LRCH1: variants seen among roughly 807,000 people sequenced by gnomAD.
LRCH1 encodes leucine-rich repeat and calponin homology domain-containing protein 1.
A neutral mutation model predicts 94.9 loss-of-function variants in LRCH1; 23 were observed. The ratio of observed to expected loss-of-function variants is 0.24; its 90% CI spans 0.17 to 0.34. LRCH1 has a LOEUF of 0.34. Ranked by LOEUF, LRCH1 falls within the 10% of genes least tolerant of loss-of-function variation. The pLI is 1.00. For synonymous variants in LRCH1, 364 were observed against 354.9 expected (o/e 1.03, Z -0.29); for missense variants, 790 against 945.9 (o/e 0.84, Z 2.16).
chr13:46,628,981 A>C (rs1293190127), intron 1 of LRCH1, among the ~76,000 whole-genome samples: 1 of 152,208 alleles, frequency 6.6e-6, no homozygotes, highest in African/African-American at 2.4e-5. Context: ...CCATATAGTA[A>C]GTTTTAACAT....
chr13:46,700,778 A>T (rs1871422758), intron 10 of LRCH1, among the ~76,000 whole-genome samples: 1 of 152,202 alleles, frequency 6.6e-6, no homozygotes, highest in South Asian at 2.1e-4. Flanking sequence ...CAGCCAGGTG[A>T]TCCCCTCCAT....
chr13:46,567,301 TA>T (rs1160165337), intron 1 of LRCH1, among the ~76,000 whole-genome samples: 1 of 152,246 alleles, frequency 6.6e-6, no homozygotes, highest in Non-Finnish European at 1.5e-5. Flanking sequence ...TTCTATACAT[TA>T]ATTACCTCTA....
intron 2 of LRCH1, among the ~76,000 whole-genome samples, chr13:46,654,895 T>G (rs997218818): frequency 9.2e-5 from 14 of 152,234 alleles, no homozygotes; most frequent in African/African-American, 3.4e-4. Flanking sequence ...GGTTTTCAAA[T>G]TTTCACAGAT....
At chr13:46,622,717 G>C (rs560156383) in intron 1 of LRCH1, among the ~76,000 whole-genome samples, 4 of 152,198 alleles carry the variant, frequency 2.6e-5, no homozygotes, top group South Asian at 2.1e-4. Flanking sequence ...GCTAGTTTGT[G>C]TATTGAAAAT....
At chr13:46,595,045 T>G (rs1303031404) in intron 1 of LRCH1, among the ~76,000 whole-genome samples, 1 of 152,234 alleles carries the variant, frequency 6.6e-6, no homozygotes, top group Non-Finnish European at 1.5e-5. Context: ...TTTATAGTCT[T>G]TATGTAATTA....
At chr13:46,584,949 G>T (rs1414546019) in intron 1 of LRCH1, among the ~76,000 whole-genome samples, 5 of 124,380 alleles carry the variant, frequency 4.0e-5, no homozygotes, top group Non-Finnish European at 6.7e-5. Context: ...TGACATAAAA[G>T]TTCCTTTCTC....
intron 1 of LRCH1, among the ~76,000 whole-genome samples, chr13:46,647,210 T>C (rs1195519414): frequency 6.6e-6 from 1 of 152,128 alleles, no homozygotes; most frequent in Non-Finnish European, 1.5e-5. Context: ...AAAGTGTATG[T>C]GCATTTGTAA....
chr13:46,733,006 G>A (rs548592889), intron 18 of LRCH1, among the ~76,000 whole-genome samples: 98 of 152,182 alleles, frequency 6.4e-4, no homozygotes, highest in Non-Finnish European at 1.2e-3. Flanking sequence ...AATAAATGCT[G>A]TACAAATTAG....
At chr13:46,563,674 A>G (rs917470863) in intron 1 of LRCH1, among the ~76,000 whole-genome samples, 2 of 152,216 alleles carry the variant, frequency 1.3e-5, no homozygotes, top group African/African-American at 2.4e-5. Flanking sequence ...TGCTTGCTAC[A>G]TGGTCTGTAT....
chr13:46,614,681 TC>T (rs2050785460), intron 1 of LRCH1, among the ~76,000 whole-genome samples: 1 of 152,226 alleles, frequency 6.6e-6, no homozygotes, highest in African/African-American at 2.4e-5. Context: ...CTGTGTATTC[TC>T]CTTGTTTCAA....
intron 19 of LRCH1, among the ~76,000 whole-genome samples, chr13:46,734,876 T>A (rs116630852): frequency 6.6e-6 from 1 of 152,226 alleles, no homozygotes; most frequent in African/African-American, 2.4e-5. Context: ...TTTGAGTATA[T>A]GAAGAGTTAT....
chr13:46,555,416 T>C, intron 1 of LRCH1, among the ~76,000 whole-genome samples: 1 of 152,228 alleles, frequency 6.6e-6, no homozygotes, highest in Non-Finnish European at 1.5e-5. Flanking sequence ...TGCTAAGGAT[T>C]ATTTACAAAG....
At chr13:46,581,744 C>T (rs1012606039) in intron 1 of LRCH1, among the ~76,000 whole-genome samples, 1 of 152,222 alleles carries the variant, frequency 6.6e-6, no homozygotes, top group Non-Finnish European at 1.5e-5. Flanking sequence ...AAAGTCACAA[C>T]CAAAGGTGGC....
intron 1 of LRCH1, among the ~76,000 whole-genome samples, chr13:46,610,013 C>T (rs1412167883): frequency 6.6e-6 from 1 of 152,186 alleles, no homozygotes; most frequent in Non-Finnish European, 1.5e-5. Flanking sequence ...CTAGTTTCTC[C>T]ACTTTCTTTT....
chr13:46,623,727 T>A (rs919020324), intron 1 of LRCH1, among the ~76,000 whole-genome samples: 2 of 150,636 alleles, frequency 1.3e-5, no homozygotes, highest in Admixed American at 1.3e-4. Context: ...TTTTTTTTAT[T>A]ATACTTTAAG....
intron 1 of LRCH1, among the ~76,000 whole-genome samples, chr13:46,562,434 G>A (rs374800407): frequency 1.4e-3 from 211 of 152,248 alleles, no homozygotes; most frequent in African/African-American, 4.6e-3. Flanking sequence ...TTCACAGGCC[G>A]TTCCTTTTTA....
chr13:46,626,325 A>G (rs1463839488), intron 1 of LRCH1, among the ~76,000 whole-genome samples: 1 of 152,180 alleles, frequency 6.6e-6, no homozygotes, highest in East Asian at 1.9e-4. Flanking sequence ...CCTGTGACTT[A>G]AACGTATACA....
At chr13:46,561,827 G>A (rs2050132908) in intron 1 of LRCH1, among the ~76,000 whole-genome samples, 1 of 152,122 alleles carries the variant, frequency 6.6e-6, no homozygotes, top group Admixed American at 6.5e-5. Context: ...TGGGCCCCCA[G>A]CCTGTCAAAA....
At chr13:46,589,054 T>A (rs539676205) in intron 1 of LRCH1, among the ~76,000 whole-genome samples, 1 of 151,826 alleles carries the variant, frequency 6.6e-6, no homozygotes, top group South Asian at 2.1e-4. Flanking sequence ...ATATATTTTT[T>A]AAGGCAGGGT....
Sources: gnomAD v4.1 joint callset for allele counts (sites outside exome capture counted in the v4.1 genomes callset) on GRCh38, gnomAD v4.1.1 for gene constraint, MANE v1.5 for transcripts, NCBI Gene and HGNC (gene_info 2026-07-23, HGNC 2026-07-21) for gene names.